TFDP2: variants seen among roughly 807,000 people sequenced by gnomAD.
TFDP2 encodes the protein transcription factor Dp-2.
TFDP2 carries 17 observed loss-of-function variants against 59.3 expected under a neutral mutation model. That is an observed-to-expected ratio of 0.29 (90% confidence interval 0.20 to 0.43). The LOEUF is 0.43. Among genes scored for constraint, TFDP2 ranks in the 20% least tolerant of loss-of-function variants. The pLI is 1.00. For missense variants in TFDP2, 391 were observed against 528.8 expected, an observed-to-expected ratio of 0.74 and a Z score of 2.56; for synonymous variants, 180 against 194.7, an observed-to-expected ratio of 0.92 and a Z score of 0.63.
chr3:142,064,180 G>C (rs1446464891), intron 3 of TFDP2, among the ~76,000 whole-genome samples: 2 of 152,110 alleles, frequency 1.3e-5, no homozygotes, highest in African/African-American at 4.8e-5. Context: ...TCGAACTCCT[G>C]GGCTCAAGCG....
At chr3:142,057,078 G>T (rs1443512855) in intron 3 of TFDP2, among the ~76,000 whole-genome samples, 1 of 152,136 alleles carries the variant, frequency 6.6e-6, no homozygotes, top group East Asian at 1.9e-4. Flanking sequence ...TTCATTCACT[G>T]GCCATGTGGA....
At chr3:142,027,321 T>G (rs957202090) in intron 3 of TFDP2, among the ~76,000 whole-genome samples, 22 of 152,208 alleles carry the variant, frequency 1.4e-4, no homozygotes, top group African/African-American at 5.3e-4. Context: ...TAAATTTTAT[T>G]TATTCACTGA....
At chr3:142,093,610 T>C (rs573872995) in intron 2 of TFDP2, among the ~76,000 whole-genome samples, 2 of 152,208 alleles carry the variant, frequency 1.3e-5, no homozygotes, top group Non-Finnish European at 2.9e-5. Context: ...CAATAGATAT[T>C]TCAAAATTCC....
intron 3 of TFDP2, among the ~76,000 whole-genome samples, chr3:142,038,475 T>G (rs1946803094): frequency 6.8e-6 from 1 of 148,008 alleles, no homozygotes; most frequent in South Asian, 2.1e-4. Context: ...GGATATAAAA[T>G]AAAGATACCA....
chr3:142,109,333 A>AT (rs11378143), intron 1 of TFDP2, among the ~76,000 whole-genome samples: 71,889 of 144,936 alleles, frequency 0.5, 19,262 homozygotes, highest in South Asian at 0.74. Flanking sequence ...AGTAAGCTAC[A>AT]TTTTTTTTTT....
At chr3:142,001,841 G>A (rs1943796718) in intron 4 of TFDP2, among the ~76,000 whole-genome samples, 2 of 152,072 alleles carry the variant, frequency 1.3e-5, no homozygotes. Context: ...ATTCAGTGAA[G>A]TCCCTTGCCA....
At chr3:142,143,354 T>C (rs1240731214) in intron 1 of TFDP2, among the ~76,000 whole-genome samples, 1 of 152,182 alleles carries the variant, frequency 6.6e-6, no homozygotes, top group African/African-American at 2.4e-5. Flanking sequence ...AAGAATTTCT[T>C]GAGCAGTACC....
At chr3:142,003,906 G>A (rs1176992459) in intron 4 of TFDP2, among the ~76,000 whole-genome samples, 1 of 152,156 alleles carries the variant, frequency 6.6e-6, no homozygotes, top group African/African-American at 2.4e-5. Context: ...TTGGGGTATA[G>A]CAGCATTAAA....
intron 3 of TFDP2, among the ~76,000 whole-genome samples, chr3:142,073,472 C>CCCAAAA (rs1553796689): frequency 1.9e-5 from 1 of 52,502 alleles, no homozygotes; most frequent in Non-Finnish European, 3.6e-5. Flanking sequence ...CCCCCCCCCG[C>CCCAAAA]AAAAAAAAAA....
intron 1 of TFDP2, among the ~76,000 whole-genome samples, chr3:142,106,404 C>A (rs2061476150): frequency 6.6e-6 from 1 of 152,202 alleles, no homozygotes. Context: ...TACTTTATAG[C>A]ATTTTAATTT....
At position 141,950,783 on chromosome 3, in the gene TFDP2, C is replaced by G. The variant is rs1222648414; in HGVS notation, c.*1730G>C. On this transcript the variant is annotated 3_prime_UTR_variant, in exon 13 of 13. Coordinates refer to ENST00000489671, the MANE Select transcript of TFDP2 (RefSeq NM_001178139.2). ...CTGCAGGCCCCTGGGGACCTGCTGT[C>G]ACCTCCCCAGTGTTCCTGACTGGTC... 1.3e-5 allele frequency: 2 copies of G among 152,618 alleles called. No homozygotes were observed. The highest frequency in any genetic ancestry group is 4.8e-5 in the African/African-American group (2 of 41,446). 9.5% of individuals were successfully genotyped at this position (152,618 alleles called of 1,614,324 possible).
chr3:142,109,831 T>C (rs545211638), intron 1 of TFDP2, among the ~76,000 whole-genome samples: 43 of 152,328 alleles, frequency 2.8e-4, no homozygotes, highest in East Asian at 3.9e-4. Flanking sequence ...CCTAGAACCA[T>C]TGGCATTTTA....
chr3:142,033,420 C>T (rs1053253016), intron 3 of TFDP2, among the ~76,000 whole-genome samples: 8 of 152,040 alleles, frequency 5.3e-5, no homozygotes, highest in African/African-American at 1.7e-4. Context: ...TCAACATAGA[C>T]CCAGCTCCAA....
chr3:142,097,226 T>C (rs1237412653), intron 2 of TFDP2, among the ~76,000 whole-genome samples: 1 of 152,136 alleles, frequency 6.6e-6, no homozygotes, highest in Non-Finnish European at 1.5e-5. Context: ...AATCAAAAGC[T>C]CTAAAAAATT....
chr3:142,091,577 T>A (rs1704983), intron 3 of TFDP2, among the ~76,000 whole-genome samples: 132,494 of 149,462 alleles, frequency 0.89, 58,932 homozygotes, highest in African/African-American at 0.97. Context: ...AAAAAAAAAA[T>A]AAATAAAATA....
At chr3:142,145,855 G>T (rs1423532680) in intron 1 of TFDP2, among the ~76,000 whole-genome samples, 1 of 152,086 alleles carries the variant, frequency 6.6e-6, no homozygotes, top group Non-Finnish European at 1.5e-5. Flanking sequence ...TATAAAATCT[G>T]GGTTTTAGTA....
chr3:142,149,327 T>G lies in TFDP2; in HGVS notation c.-237A>C. 2.5e-6 allele frequency: 1 copy of G among 393,040 alleles called. No individual in the cohort carries two copies. The highest frequency in any genetic ancestry group is 4.5e-6 in the Non-Finnish European group (1 of 222,820). The allele number at this position is 393,040 out of a possible 1,614,324, so 24.3% of individuals were successfully genotyped here. On this transcript the variant is annotated 5_prime_UTR_variant, in exon 1 of 13. Coordinates refer to ENST00000489671, the MANE Select transcript of TFDP2 (RefSeq NM_001178139.2). ...GACTCACACCCGGGGAGACGCGGCC[T>G]GCCCGGTCAAGGCCCAGGAGTTTGA...
intron 3 of TFDP2, among the ~76,000 whole-genome samples, chr3:142,073,639 C>T (rs2060339309): frequency 6.6e-6 from 1 of 152,078 alleles, no homozygotes; most frequent in Non-Finnish European, 1.5e-5. Flanking sequence ...CAAATCACAG[C>T]TGGAAGTAGA....
At chr3:142,058,313 G>A (rs1278852597) in intron 3 of TFDP2, among the ~76,000 whole-genome samples, 1 of 146,550 alleles carries the variant, frequency 6.8e-6, no homozygotes, top group African/African-American at 2.5e-5. Context: ...GACACCAAAT[G>A]TTTGGGTTTT....
Sources: allele counts gnomAD v4.1 joint callset (sites outside exome capture counted in the v4.1 genomes callset), GRCh38; gene constraint gnomAD v4.1.1; transcripts MANE v1.5; gene names NCBI Gene and HGNC (gene_info 2026-07-23, HGNC 2026-07-21).